Variants in REV1 observed in about 807,000 individuals in gnomAD.
REV1 encodes REV1 DNA directed polymerase.
Under a neutral mutation model 137.4 loss-of-function variants are expected in REV1, and 42 were observed. The observed-to-expected ratio is 0.31, with a 90% CI of 0.24 to 0.40. The LOEUF (loss-of-function observed/expected upper bound fraction) is 0.40, where lower values mean the gene tolerates loss of function less well. REV1 is among the 10% of genes least tolerant of loss of function. REV1 has a pLI of 1.00. For synonymous variants in REV1, 524 were observed against 519.2 expected, an observed-to-expected ratio of 1.01 and a Z score of -0.12; for missense variants, 1,282 against 1,490.1, an observed-to-expected ratio of 0.86 and a Z score of 2.30.
At chr2:99,465,502 T>C (rs572117461) in intron 1 of REV1, among the ~76,000 whole-genome samples, 38 of 152,332 alleles carry the variant, frequency 2.5e-4, no homozygotes, top group African/African-American at 7.5e-4. Flanking sequence ...AAGATTATCA[T>C]TGATAATAAA....
intron 1 of REV1, among the ~76,000 whole-genome samples, chr2:99,467,142 G>A (rs1028320967): frequency 6.6e-6 from 1 of 152,112 alleles, no homozygotes; most frequent in Non-Finnish European, 1.5e-5. Flanking sequence ...AATCATTTAA[G>A]AGATCCAGTT....
chr2:99,484,865 G>A (rs1686980224), intron 1 of REV1, among the ~76,000 whole-genome samples: 1 of 152,134 alleles, frequency 6.6e-6, no homozygotes, highest in Non-Finnish European at 1.5e-5. Flanking sequence ...CTGAAATCTT[G>A]CCTCCTTTCT....
At chr2:99,451,397 A>G (rs895859545) in intron 3 of REV1, 1 of 1,298,284 alleles carries the variant, frequency 7.7e-7, no homozygotes, top group African/African-American at 1.5e-5. Flanking sequence ...TTGGAACTGG[A>G]AAATACATTG....
At chr2:99,434,262 C>T (rs1372233110) in intron 8 of REV1, 70 bp downstream of exon 8, 8 of 959,172 alleles carry the variant, frequency 8.3e-6, no homozygotes, top group Non-Finnish European at 1.2e-5. Flanking sequence ...CTATTAACAA[C>T]CATGCCAAAT....
chr2:99,489,606 G>A (rs929564926), intron 1 of REV1, among the ~76,000 whole-genome samples: 8 of 148,722 alleles, frequency 5.4e-5, no homozygotes, highest in Non-Finnish European at 1.2e-4. Context: ...TACATAACCC[G>A]GCGGCTGCGA....
intron 3 of REV1, among the ~76,000 whole-genome samples, chr2:99,462,239 A>G (rs1684298386): frequency 6.6e-6 from 1 of 152,178 alleles, no homozygotes; most frequent in South Asian, 2.1e-4. Context: ...CCTACTACCC[A>G]TGTGTGGTAA....
chr2:99,433,306 T>G (rs1204607916), intron 8 of REV1, among the ~76,000 whole-genome samples: 1 of 152,178 alleles, frequency 6.6e-6, no homozygotes, highest in Non-Finnish European at 1.5e-5. Flanking sequence ...CACAAAATTC[T>G]AGAATCTCAA....
intron 13 of REV1, among the ~76,000 whole-genome samples, chr2:99,411,751 C>T (rs1575001014): frequency 6.6e-6 from 1 of 151,722 alleles, no homozygotes; most frequent in East Asian, 1.9e-4. Context: ...GTCGAAAATT[C>T]TTTTGTAACT....
chr2:99,434,479 T>C, intron 7 of REV1, 31 bp from the exon 8 acceptor site: 2 of 1,487,822 alleles, frequency 1.3e-6, no homozygotes, highest in South Asian at 1.2e-5. Context: ...TATTTCTGTA[T>C]GTGGTACAGG....
At chr2:99,424,433 A>G in intron 9 of REV1, 153 bp from the exon 10 acceptor site, 3 of 826,646 alleles carry the variant, frequency 3.6e-6, no homozygotes, top group Non-Finnish European at 5.5e-6. Flanking sequence ...TAAAATTTAC[A>G]GCCTTGTTTT....
At chr2:99,413,413 A>G (rs1268087087) in intron 12 of REV1, among the ~76,000 whole-genome samples, 2 of 152,216 alleles carry the variant, frequency 1.3e-5, no homozygotes, top group African/African-American at 2.4e-5. Context: ...ACATTTTTTC[A>G]GTGAAAAACA....
intron 9 of REV1, among the ~76,000 whole-genome samples, chr2:99,425,391 G>A (rs1363894340): frequency 6.6e-6 from 1 of 152,162 alleles, no homozygotes; most frequent in African/African-American, 2.4e-5. Context: ...TAAGAGGAAG[G>A]AAAATGACAG....
chr2:99,460,656 A>T (rs888023731), intron 3 of REV1, among the ~76,000 whole-genome samples: 8 of 151,836 alleles, frequency 5.3e-5, no homozygotes, highest in Admixed American at 5.3e-4. Context: ...ACTAAAACTT[A>T]ATTTTTCTAA....
chr2:99,429,772 C>A, intron 9 of REV1, 68 bp downstream of exon 9: 1 of 858,908 alleles, frequency 1.2e-6, no homozygotes, highest in Non-Finnish European at 1.6e-6. Flanking sequence ...GATTATAGTT[C>A]AAGAAATTAT....
In REV1 at chr2:99,445,506, G is replaced by A. The variant is rs551022437; in HGVS notation, c.351-3037C>T. On this transcript the variant is annotated intron_variant, in intron 4 of 22. Transcript: ENST00000258428. ...ACAAAATCAAGAACAACAAAAACAA[G>A]AACAATCTGTAGCAACTTAGGACAA... Among the ~76,000 whole-genome samples, 3 of 152,208 alleles carry A rather than the reference G, an allele frequency of 2.0e-5. No individual in the cohort carries two copies. In the East Asian group the frequency reaches 5.8e-4, roughly 29 times the overall value.
Position 99,434,430 on chromosome 2 carries a change from G to T in REV1, c.1340C>A (p.Thr447Lys). ...TGCCCTTCCTGTGCCTCTGTTACTTGTAACAGCCACTGGTTTTCCTGTGAG... is the reference window on the plus strand; with the variant it reads ...TGCCCTTCCTGTGCCTCTGTTACTTTTAACAGCCACTGGTTTTCCTGTGAG... ...PDLKGKPVAV[T>K]SNRGTGRAPL... The change falls in exon 8 of 23, where the codon ACA becomes AAA. Residue 447 changes from threonine to lysine, a missense_variant. Thr to Lys is a moderately conservative substitution (Grantham distance 78, BLOSUM62 -1). Transcript: ENST00000258428. The T allele has an allele frequency of 1.2e-6, 2 of 1,600,028 alleles. No homozygotes were observed. Among genetic ancestry groups the T allele is most frequent in the Admixed American group, 1.7e-5 (1 of 57,742 alleles).
intron 8 of REV1, among the ~76,000 whole-genome samples, chr2:99,431,049 C>G (rs936811183): frequency 4.6e-5 from 7 of 152,188 alleles, no homozygotes; most frequent in African/African-American, 1.7e-4. Flanking sequence ...ACTCACTGTT[C>G]TGTGAAGTCA....
At chr2:99,426,424 CATTA>C (rs944666524) in intron 9 of REV1, among the ~76,000 whole-genome samples, 6 of 151,324 alleles carry the variant, frequency 4.0e-5, no homozygotes, top group Admixed American at 6.6e-5. Context: ...ATTTTCAAAA[CATTA>C]ATTTACACAA....
chr2:99,489,414 C>T (rs1179153907), intron 1 of REV1, among the ~76,000 whole-genome samples: 1 of 151,910 alleles, frequency 6.6e-6, no homozygotes, highest in Non-Finnish European at 1.5e-5. Context: ...GAATGGCCGG[C>T]CGAGGCGCCG....
Sources: gnomAD v4.1 joint callset for allele counts (sites outside exome capture counted in the v4.1 genomes callset) on GRCh38, gnomAD v4.1.1 for gene constraint, MANE v1.5 for transcripts, NCBI Gene and HGNC (gene_info 2026-07-23, HGNC 2026-07-21) for gene names.